DPP6: variants seen among roughly 807,000 people sequenced by gnomAD.
The protein encoded by DPP6 is A-type potassium channel modulatory protein DPP6.
Under a neutral mutation model 122.6 loss-of-function variants are expected in DPP6, and 69 were observed. The observed-to-expected ratio is 0.56, with a 90% confidence interval of 0.46 to 0.69. The LOEUF (loss-of-function observed/expected upper bound fraction) is 0.69. Ranked by LOEUF, DPP6 falls within the 30% of genes least tolerant of loss-of-function variation. The pLI is 0.00. For missense variants in DPP6, 928 were observed against 1,116.9 expected (o/e 0.83, Z 2.41); for synonymous variants, 418 against 433.1 (o/e 0.97, Z 0.43).
In DPP6 at chr7:154,829,494, G is replaced by GGGAA. The variant is rs567551691; in HGVS notation, c.1666+22399_1666+22402dup. Among the ~76,000 whole-genome samples the GGGAA allele has an allele frequency of 2.7e-4, 12 of 44,062 alleles. No homozygotes were observed. The South Asian group carries it at 6.5e-3, about 24-fold the overall frequency. 28.9% of individuals were successfully genotyped at this position (44,062 alleles called of 152,430 possible). On this transcript the variant is annotated intron_variant, in intron 16 of 25. Coordinates refer to ENST00000377770, the MANE Select transcript of DPP6 (RefSeq NM_130797.4). ...GAGGGAGGGAAGAAGGACAGAAGGAGGGAAGGAAGGAAGGAAGGAAAATGG... is the reference window on the plus strand; with the variant it reads ...GAGGGAGGGAAGAAGGACAGAAGGAGGGAAGGAAGGAAGGAAGGAAGGAAAATGG...
chr7:154,824,372 C>T (rs1056743911), intron 16 of DPP6, among the ~76,000 whole-genome samples: 5 of 152,158 alleles, frequency 3.3e-5, no homozygotes, highest in East Asian at 1.9e-4. Flanking sequence ...CTCTGCCTCC[C>T]GGGTTCAAGC....
chr7:153,956,968 C>T (rs1657615149), intron 1 of DPP6, among the ~76,000 whole-genome samples: 1 of 152,168 alleles, frequency 6.6e-6, no homozygotes, highest in Middle Eastern at 3.4e-3. Flanking sequence ...ATTCCGAAAC[C>T]CAGATATGTT....
intron 16 of DPP6, among the ~76,000 whole-genome samples, chr7:154,839,328 C>T (rs1801331082): frequency 6.6e-6 from 1 of 152,210 alleles, no homozygotes; most frequent in South Asian, 2.1e-4. Context: ...ACACTGAACA[C>T]TCAGGTTTAC....
chr7:154,753,895 C>T (rs1025955510), intron 8 of DPP6, among the ~76,000 whole-genome samples: 1 of 152,214 alleles, frequency 6.6e-6, no homozygotes, highest in South Asian at 2.1e-4. Context: ...CCCTGAGCTG[C>T]TTCCTGGGGT....
At chr7:154,659,423 T>C (rs1202067825) in intron 6 of DPP6, among the ~76,000 whole-genome samples, 1 of 152,256 alleles carries the variant, frequency 6.6e-6, no homozygotes, top group Non-Finnish European at 1.5e-5. Context: ...CATTCACATA[T>C]ATACGTTGTG....
chr7:154,323,905 T>G (rs920667482), intron 1 of DPP6, among the ~76,000 whole-genome samples: 1 of 152,224 alleles, frequency 6.6e-6, no homozygotes, highest in African/African-American at 2.4e-5. Context: ...GGGTTTGATA[T>G]GGATGAAAGC....
At chr7:154,111,356 G>A (rs181297087) in intron 1 of DPP6, among the ~76,000 whole-genome samples, 1 of 152,270 alleles carries the variant, frequency 6.6e-6, no homozygotes, top group Admixed American at 6.5e-5. Context: ...CATCTGTAAC[G>A]TGGGGATAAT....
intron 1 of DPP6, among the ~76,000 whole-genome samples, chr7:154,175,106 A>C (rs1446323562): frequency 6.6e-6 from 1 of 151,686 alleles, no homozygotes; most frequent in African/African-American, 2.4e-5. Context: ...TTTCCCAACT[A>C]GCATGTCTTA....
At chr7:153,952,591 G>A (rs1802271774) in intron 1 of DPP6, among the ~76,000 whole-genome samples, 2 of 152,210 alleles carry the variant, frequency 1.3e-5, no homozygotes, top group Admixed American at 1.3e-4. Context: ...TCCCCACATG[G>A]GGTGAAATGT....
At chr7:154,234,736 C>T (rs939982048) in intron 1 of DPP6, among the ~76,000 whole-genome samples, 2 of 152,168 alleles carry the variant, frequency 1.3e-5, no homozygotes, top group African/African-American at 2.4e-5. Context: ...CTCATCTGGA[C>T]TTGCCATGAG....
the DPP6 span, among the ~76,000 whole-genome samples, chr7:153,790,440 T>C: frequency 6.6e-6 from 1 of 152,202 alleles, no homozygotes; most frequent in Non-Finnish European, 1.5e-5. Context: ...TTTAAAAGCA[T>C]CTTTATTATT....
chr7:154,855,803 T>C (rs1802784075), intron 17 of DPP6, among the ~76,000 whole-genome samples: 1 of 152,260 alleles, frequency 6.6e-6, no homozygotes, highest in South Asian at 2.1e-4. Flanking sequence ...CGATGTTGCA[T>C]AGAGCCTCAA....
chr7:154,196,260 C>T (rs967809860), intron 1 of DPP6, among the ~76,000 whole-genome samples: 2 of 152,110 alleles, frequency 1.3e-5, no homozygotes, highest in Non-Finnish European at 2.9e-5. Flanking sequence ...GAGGCAGAGG[C>T]GAGTGGATCA....
chr7:154,127,654 C>CACACACACACACACACAG (rs1808028977), intron 1 of DPP6, among the ~76,000 whole-genome samples: 2 of 140,698 alleles, frequency 1.4e-5, no homozygotes, highest in African/African-American at 5.3e-5. Context: ...CACACACAGA[C>CACACACACACACACACAG]ACACACACAC....
At chr7:154,716,679 C>G (rs2131324806) in intron 7 of DPP6, among the ~76,000 whole-genome samples, 1 of 142,004 alleles carries the variant, frequency 7.0e-6, no homozygotes. Flanking sequence ...ATAGAATTTA[C>G]TCAAAAAGAG....
intron 1 of DPP6, among the ~76,000 whole-genome samples, chr7:153,999,599 C>T (rs1484059166): frequency 6.6e-6 from 1 of 152,142 alleles, no homozygotes; most frequent in Non-Finnish European, 1.5e-5. Flanking sequence ...GTCCTTAAGG[C>T]AGGGGCTATT....
intron 1 of DPP6, among the ~76,000 whole-genome samples, chr7:153,957,523 T>C (rs945683755): frequency 1.8e-4 from 27 of 152,210 alleles, no homozygotes; most frequent in African/African-American, 6.0e-4. Flanking sequence ...GATGGGACTG[T>C]TTTTCATATG....
intron 1 of DPP6, among the ~76,000 whole-genome samples, chr7:154,418,042 T>C (rs1156685669): frequency 6.6e-6 from 1 of 152,224 alleles, no homozygotes; most frequent in Non-Finnish European, 1.5e-5. Flanking sequence ...TACTGGGAAA[T>C]GTATCCTTTA....
chr7:154,746,804 C>A (rs1322341740), intron 8 of DPP6, among the ~76,000 whole-genome samples: 3 of 152,104 alleles, frequency 2.0e-5, no homozygotes, highest in Non-Finnish European at 2.9e-5. Flanking sequence ...TTGAGAGAAC[C>A]AAGGAAGCAT....
Sources: gnomAD v4.1 joint callset for allele counts (sites outside exome capture counted in the v4.1 genomes callset) on GRCh38, gnomAD v4.1.1 for gene constraint, MANE v1.5 for transcripts, NCBI Gene and HGNC (gene_info 2026-07-23, HGNC 2026-07-21) for gene names.